CAMK1D: variants seen among roughly 807,000 people sequenced by gnomAD.
CAMK1D encodes the protein calcium/calmodulin dependent protein kinase ID, also known as calcium/calmodulin-dependent protein kinase type 1D.
CAMK1D carries 9 observed loss-of-function variants against 47.7 expected under a neutral mutation model. The observed-to-expected ratio is 0.19, with a 90% CI of 0.11 to 0.33. The LOEUF is 0.33. Among genes scored for constraint, CAMK1D ranks in the 10% least tolerant of loss-of-function variants. The probability of loss-of-function intolerance (pLI) is 1.00; values close to 1 mark genes in which losing one functional copy is unlikely to be tolerated. For synonymous variants in CAMK1D, 184 were observed against 184.9 expected (o/e 0.99, Z 0.04); for missense variants, 291 against 488.7 (o/e 0.60, Z 3.81).
At chr10:12,762,115 A>C (rs1323533615) in intron 4 of CAMK1D, among the ~76,000 whole-genome samples, 1 of 152,202 alleles carries the variant, frequency 6.6e-6, no homozygotes, top group Non-Finnish European at 1.5e-5. Flanking sequence ...GGTATCAGAC[A>C]TATCAACTTG....
Position 12,366,528 on chromosome 10 carries a change from G to A in CAMK1D, c.92+16618G>A, listed in dbSNP as rs2997070. Among the ~76,000 whole-genome samples the A allele has an allele frequency of 6.5e-3, 989 of 151,472 alleles. 6 individuals are homozygous for A. The highest frequency in any genetic ancestry group is 0.022 in the African/African-American group (926 of 41,360). ...AAAAAAATTAGCCAGGCCTGGTAGC[G>A]CATGCCTGTAATCCTGGCTACTCGG... On this transcript the variant is annotated intron_variant, in intron 1 of 10. Transcript: ENST00000619168.
intron 3 of CAMK1D, among the ~76,000 whole-genome samples, chr10:12,693,990 CATATA>C (rs1833055377): frequency 3.0e-4 from 14 of 46,888 alleles, no homozygotes; most frequent in Non-Finnish European, 1.1e-4. Flanking sequence ...ATTATATATA[CATATA>C]ATATATATAA....
rs533965106 is a variant in CAMK1D at position 12,693,955 on chromosome 10, ATT to A, written c.299+27146_299+27147del. On this transcript the variant is annotated intron_variant, in intron 3 of 10. Transcript: ENST00000619168. The stretch of plus-strand genomic sequence containing the variant: ...AACATATATAAAATATATAATATAT[ATT>A]ATATATAAAATATATAATATATATT... 1.6e-3 allele frequency among the ~76,000 whole-genome samples: 99 copies of A among 63,702 alleles called. 1 individual carries two copies. The East Asian group carries it at 0.023, about 15-fold the overall frequency. 41.8% of individuals were successfully genotyped at this position (63,702 alleles called of 152,430 possible).
chr10:12,691,394 TATATATATAAATATATATATATA>T (rs1564495539), intron 3 of CAMK1D, among the ~76,000 whole-genome samples: 7 of 7,336 alleles, frequency 9.5e-4, no homozygotes, highest in African/African-American at 3.3e-3. Flanking sequence ...TATATATATA[TATATATATAAATATATATATATA>T]TATATTTTTT....
At chr10:12,733,313 G>A (rs1280872005) in intron 3 of CAMK1D, among the ~76,000 whole-genome samples, 2 of 152,302 alleles carry the variant, frequency 1.3e-5, no homozygotes, top group Non-Finnish European at 2.9e-5. Context: ...AGTGAAGATG[G>A]AGTTAGAAGG....
intron 1 of CAMK1D, among the ~76,000 whole-genome samples, chr10:12,422,499 T>A (rs941681464): frequency 7.2e-5 from 11 of 152,080 alleles, no homozygotes; most frequent in Non-Finnish European, 2.9e-5. Flanking sequence ...TGGATACGAA[T>A]GACTGCTGGA....
intron 2 of CAMK1D, among the ~76,000 whole-genome samples, chr10:12,599,203 T>C (rs1288285804): frequency 1.3e-5 from 2 of 152,188 alleles, no homozygotes; most frequent in African/African-American, 4.8e-5. Flanking sequence ...CTGTGTTTTC[T>C]TGAGTTGTAA....
intron 2 of CAMK1D, among the ~76,000 whole-genome samples, chr10:12,651,654 G>C (rs960093029): frequency 6.6e-6 from 1 of 152,030 alleles, no homozygotes; most frequent in Non-Finnish European, 1.5e-5. Context: ...CTCCCGCCTT[G>C]GCCTCGCAAA....
At chr10:12,511,145 C>T (rs1047994084) in intron 1 of CAMK1D, among the ~76,000 whole-genome samples, 5 of 152,156 alleles carry the variant, frequency 3.3e-5, no homozygotes, top group East Asian at 1.9e-4. Context: ...CTCTGGGTGA[C>T]GGGGAATCTG....
intron 1 of CAMK1D, among the ~76,000 whole-genome samples, chr10:12,413,196 A>C (rs1034733492): frequency 2.0e-5 from 3 of 152,180 alleles, no homozygotes; most frequent in Non-Finnish European, 2.9e-5. Flanking sequence ...GCTTACAGTC[A>C]TGGTGGAGGG....
chr10:12,497,741 T>G (rs1275815235), intron 1 of CAMK1D, among the ~76,000 whole-genome samples: 1 of 150,976 alleles, frequency 6.6e-6, no homozygotes, highest in Non-Finnish European at 1.5e-5. Flanking sequence ...AAAGTGCAAA[T>G]TAGGTGATTA....
chr10:12,506,303 C>T (rs1365801659), intron 1 of CAMK1D, among the ~76,000 whole-genome samples: 1 of 152,056 alleles, frequency 6.6e-6, no homozygotes, highest in East Asian at 1.9e-4. Context: ...GCCTGTAATT[C>T]CAGCTACTCA....
chr10:12,654,709 T>C (rs1372072638), intron 2 of CAMK1D, among the ~76,000 whole-genome samples: 3 of 152,192 alleles, frequency 2.0e-5, no homozygotes, highest in Non-Finnish European at 4.4e-5. Flanking sequence ...ACACCCTGGA[T>C]CTTAACCTTT....
At chr10:12,403,245 T>G in intron 1 of CAMK1D, among the ~76,000 whole-genome samples, 1 of 152,164 alleles carries the variant, frequency 6.6e-6, no homozygotes, top group Non-Finnish European at 1.5e-5. Flanking sequence ...TTACAACAAG[T>G]TGGCATCCGC....
rs569836124 is a variant in CAMK1D at position 12,624,397 on chromosome 10, G to A, written c.225-42339G>A. ...ACTTTATGATGTTGATTAAGTAACT[G>A]CCTAATTTCCCTCCCGTCAAGTCCC... On this transcript the variant is annotated intron_variant, in intron 2 of 10. Transcript: ENST00000619168. 8.5e-5 allele frequency among the ~76,000 whole-genome samples: 13 copies of A among 152,252 alleles called. No homozygotes were observed. In the East Asian group the frequency reaches 1.9e-3, roughly 23 times the overall value.
chr10:12,405,230 G>T (rs1049271294), intron 1 of CAMK1D, among the ~76,000 whole-genome samples: 7 of 152,156 alleles, frequency 4.6e-5, no homozygotes, highest in Non-Finnish European at 8.8e-5. Flanking sequence ...GGTTTCCACA[G>T]CTGGCTTCAG....
intron 1 of CAMK1D, among the ~76,000 whole-genome samples, chr10:12,520,059 G>A (rs1835353634): frequency 1.2e-5 from 1 of 80,686 alleles, no homozygotes; most frequent in African/African-American, 4.9e-5. Flanking sequence ...GGCTGGCCGG[G>A]TGGGGGGCTG....
chr10:12,627,377 G>A (rs557744417), intron 2 of CAMK1D, among the ~76,000 whole-genome samples: 34 of 152,136 alleles, frequency 2.2e-4, no homozygotes, highest in African/African-American at 6.5e-4. Flanking sequence ...GAGCCACTGC[G>A]CCTGGCATAT....
chr10:12,396,849 T>G (rs1177708280), intron 1 of CAMK1D, among the ~76,000 whole-genome samples: 1 of 152,232 alleles, frequency 6.6e-6, no homozygotes, highest in South Asian at 2.1e-4. Flanking sequence ...CCTTCTGCTC[T>G]TCCTGAGGTT....
Sources: gnomAD v4.1 joint callset for allele counts (sites outside exome capture counted in the v4.1 genomes callset) on GRCh38, gnomAD v4.1.1 for gene constraint, MANE v1.5 for transcripts, NCBI Gene and HGNC (gene_info 2026-07-23, HGNC 2026-07-21) for gene names.